The following PRELID2 variants were observed in gnomAD, a reference collection of about 807,000 sequenced individuals.
The protein encoded by PRELID2 is PRELI domain-containing protein 2.
PRELID2 carries 25 observed loss-of-function variants against 28.4 expected under a neutral mutation model. That is an observed-to-expected ratio of 0.88 (90% CI 0.64 to 1.23). The LOEUF (loss-of-function observed/expected upper bound fraction) is 1.23. Among genes scored for constraint, PRELID2 ranks in the 50% most tolerant of loss-of-function variants. The pLI is 0.00. For missense variants in PRELID2, 201 were observed against 214.4 expected (o/e 0.94, Z 0.39); for synonymous variants, 76 against 71.6 (o/e 1.06, Z -0.31).
intron 1 of PRELID2, among the ~76,000 whole-genome samples, chr5:145,727,245 C>A (rs1273612480): frequency 2.0e-5 from 3 of 152,188 alleles, no homozygotes; most frequent in African/African-American, 7.2e-5. Context: ...AGTCTAGACA[C>A]ACTCCAAAGC....
the PRELID2 span, among the ~76,000 whole-genome samples, chr5:145,380,435 G>A: frequency 3.9e-5 from 6 of 152,202 alleles, no homozygotes; most frequent in East Asian, 9.7e-4. Context: ...GCTCTAATCG[G>A]CCACCTTGTC....
chr5:145,521,627 G>T (rs1047884112), intron 1 of PRELID2, among the ~76,000 whole-genome samples: 9 of 152,048 alleles, frequency 5.9e-5, no homozygotes, highest in African/African-American at 2.2e-4. Flanking sequence ...GACCAAGGTT[G>T]CCAGATCTGC....
chr5:145,376,761 T>A, the PRELID2 span, among the ~76,000 whole-genome samples: 1 of 152,164 alleles, frequency 6.6e-6, no homozygotes, highest in South Asian at 2.1e-4. Context: ...CTGATTGTGT[T>A]TATTTGAATC....
chr5:145,264,565 C>T, the PRELID2 span, among the ~76,000 whole-genome samples: 5 of 151,996 alleles, frequency 3.3e-5, no homozygotes, highest in Admixed American at 1.3e-4. Flanking sequence ...TGAAAGCAAC[C>T]CCCCAGAGAA....
chr5:145,612,383 A>T (rs1221492995), intron 1 of PRELID2, among the ~76,000 whole-genome samples: 1 of 152,224 alleles, frequency 6.6e-6, no homozygotes, highest in Admixed American at 6.5e-5. Flanking sequence ...AACAAGTATG[A>T]TTACAGAGGA....
chr5:145,610,983 TA>T (rs1281924691), intron 1 of PRELID2, among the ~76,000 whole-genome samples: 1 of 148,064 alleles, frequency 6.8e-6, no homozygotes, highest in African/African-American at 2.4e-5. Flanking sequence ...TATATATTTA[TA>T]ATATATAAAT....
chr5:145,752,690 T>C (rs560327629), downstream of PRELID2, among the ~76,000 whole-genome samples: 1 of 152,322 alleles, frequency 6.6e-6, no homozygotes, highest in South Asian at 2.1e-4. Flanking sequence ...AGTTTCTTTC[T>C]TCCTCTCCTC....
intron 5 of PRELID2, among the ~76,000 whole-genome samples, chr5:145,777,415 T>G (rs1758478261): frequency 6.6e-6 from 1 of 152,190 alleles, no homozygotes; most frequent in Non-Finnish European, 1.5e-5. Flanking sequence ...AGCCTAGTAA[T>G]TATGTGCTCA....
the PRELID2 span, among the ~76,000 whole-genome samples, chr5:145,409,219 G>T: frequency 6.6e-6 from 1 of 152,076 alleles, no homozygotes; most frequent in Admixed American, 6.6e-5. Flanking sequence ...GCAAAAAGGA[G>T]TTCAAAACTT....
chr5:145,419,144 G>A, the PRELID2 span, among the ~76,000 whole-genome samples: 15 of 150,366 alleles, frequency 1.0e-4, no homozygotes, highest in Admixed American at 9.3e-4. Flanking sequence ...GGACATTTGG[G>A]TTGGTTCCAA....
chr5:145,795,978 G>T (rs1752720178), intron 5 of PRELID2: 1 of 152,574 alleles, frequency 6.6e-6, no homozygotes, highest in Non-Finnish European at 1.5e-5. Context: ...GACAATTGGG[G>T]TCTCTGTATT....
intron 1 of PRELID2, among the ~76,000 whole-genome samples, chr5:145,615,348 G>C (rs1477466701): frequency 1.2e-5 from 1 of 86,224 alleles, no homozygotes; most frequent in Non-Finnish European, 2.0e-5. Flanking sequence ...TTTTTTTTGA[G>C]ACGGAGTCTC....
the PRELID2 span, among the ~76,000 whole-genome samples, chr5:145,412,437 C>T: frequency 6.6e-6 from 1 of 152,198 alleles, no homozygotes; most frequent in Non-Finnish European, 1.5e-5. Context: ...CCAACAAGTT[C>T]TTCTTCACCA....
At chr5:145,597,820 A>T (rs1753331471) in intron 1 of PRELID2, among the ~76,000 whole-genome samples, 1 of 152,186 alleles carries the variant, frequency 6.6e-6, no homozygotes, top group Non-Finnish European at 1.5e-5. Flanking sequence ...TTCACTATTC[A>T]TCCAGTAATT....
At chr5:145,600,451 A>ATATATATG (rs1328695707) in intron 1 of PRELID2, among the ~76,000 whole-genome samples, 2,799 of 137,960 alleles carry the variant, frequency 0.02, 49 homozygotes, top group Non-Finnish European at 0.025. Context: ...ATATATATAT[A>ATATATATG]TATGTATCTC....
the PRELID2 span, among the ~76,000 whole-genome samples, chr5:145,254,251 A>G: frequency 6.6e-6 from 1 of 152,214 alleles, no homozygotes; most frequent in Non-Finnish European, 1.5e-5. Flanking sequence ...CATGTTAAAC[A>G]TATAGAGACA....
intron 1 of PRELID2, among the ~76,000 whole-genome samples, chr5:145,597,375 T>G (rs1298171148): frequency 1.3e-5 from 2 of 152,184 alleles, no homozygotes; most frequent in Non-Finnish European, 2.9e-5. Flanking sequence ...ATAACAGATC[T>G]GGAAATTTTG....
chr5:145,524,530 G>A (rs897296736), intron 1 of PRELID2, among the ~76,000 whole-genome samples: 3 of 152,248 alleles, frequency 2.0e-5, no homozygotes, highest in Non-Finnish European at 4.4e-5. Context: ...CTTGGATCCA[G>A]AAGCAGAGCA....
chr5:145,831,980 G>A (rs540600589), intron 1 of PRELID2, among the ~76,000 whole-genome samples: 21 of 152,234 alleles, frequency 1.4e-4, no homozygotes, highest in Non-Finnish European at 2.8e-4. Flanking sequence ...AAAATTAAAA[G>A]CCTGTCATTG....
Sources: allele counts gnomAD v4.1 joint callset (sites outside exome capture counted in the v4.1 genomes callset), GRCh38; gene constraint gnomAD v4.1.1; transcripts MANE v1.5; gene names NCBI Gene and HGNC (gene_info 2026-07-23, HGNC 2026-07-21).